The following TSC22D2 variants were observed in gnomAD, a reference collection of about 807,000 sequenced individuals.
TSC22D2 encodes the protein TSC22 domain family protein 2.
In TSC22D2, 5 loss-of-function variants were observed where a neutral mutation model predicts 50.1. The ratio of observed to expected loss-of-function variants is 0.10; its 90% confidence interval spans 0.05 to 0.21. The LOEUF (loss-of-function observed/expected upper bound fraction) is 0.21, where lower values mean the gene tolerates loss of function less well. Among genes scored for constraint, TSC22D2 ranks in the 10% least tolerant of loss-of-function variants. The probability of loss-of-function intolerance (pLI) is 1.00; values close to 1 mark genes in which losing one functional copy is unlikely to be tolerated. For missense variants in TSC22D2, 1,003 were observed against 1,015.5 expected, an observed-to-expected ratio of 0.99 and a Z score of 0.17; for synonymous variants, 501 against 450.1, an observed-to-expected ratio of 1.11 and a Z score of -1.43.
intron 1 of TSC22D2, chr3:150,423,079 C>G (rs1355842099): frequency 1.9e-6 from 3 of 1,613,104 alleles, no homozygotes; most frequent in East Asian, 2.2e-5. Context: ...ACCAAGCGTT[C>G]CATTTGAACA....
chr3:150,436,499 CTG>C (rs1347165369), intron 1 of TSC22D2, among the ~76,000 whole-genome samples: 3 of 152,022 alleles, frequency 2.0e-5, no homozygotes, highest in African/African-American at 7.2e-5. Context: ...CTAAATATGA[CTG>C]TATATTTGTC....
rs1361891804 is a variant in TSC22D2, at chr3:150,459,377, A to ATAAT, written c.*743_*746dup. 6.6e-6 allele frequency: 1 copy of ATAAT among 152,602 alleles called. No homozygotes were observed. The highest frequency in any genetic ancestry group is 1.5e-5 in the Non-Finnish European group (1 of 68,026). 9.5% of individuals were successfully genotyped at this position (152,602 alleles called of 1,614,324 possible). A position where few individuals can be genotyped will look rare whatever the true frequency, so the allele number is the denominator to read the frequency against. Reference sequence around the variant, plus strand: ...GTCACCAGTTATTGTGATATGATAAATAATTGGGCTATTTTGATGAAGAAA... The same window carrying ATAAT: ...GTCACCAGTTATTGTGATATGATAAATAATTAATTGGGCTATTTTGATGAAGAAA... On this transcript the variant is annotated 3_prime_UTR_variant, in exon 3 of 3. Coordinates refer to ENST00000688009, the MANE Select transcript of TSC22D2 (RefSeq NM_001303264.2).
At chr3:150,456,512 A>G (rs1432364236) in intron 1 of TSC22D2, among the ~76,000 whole-genome samples, 1 of 151,924 alleles carries the variant, frequency 6.6e-6, no homozygotes, top group Non-Finnish European at 1.5e-5. Flanking sequence ...TTGTTAACCA[A>G]TCCTACCCAA....
intron 2 of TSC22D2, 116 bp from the exon 3 acceptor site, chr3:150,458,260 A>G (rs1721257604): frequency 8.9e-7 from 1 of 1,121,546 alleles, no homozygotes. Flanking sequence ...AAGCAGAAAC[A>G]TTAAAAGCAA....
Position 150,460,179 on chromosome 3 carries a change from C to T in TSC22D2, c.*1543C>T, listed in dbSNP as rs1036512138. On this transcript the variant is annotated 3_prime_UTR_variant, in exon 3 of 3. Transcript: ENST00000688009. ...ATTTGTATTTTCACAGTTCAAAATACTCCTTAAAGACCTGTTAATAATGAC... is the reference window on the plus strand; with the variant it reads ...ATTTGTATTTTCACAGTTCAAAATATTCCTTAAAGACCTGTTAATAATGAC... 1.3e-5 allele frequency: 2 copies of T among 152,138 alleles called. No homozygotes were observed. Among genetic ancestry groups the T allele is most frequent in the African/African-American group, 4.8e-5 (2 of 41,422 alleles). 9.4% of individuals were successfully genotyped at this position (152,138 alleles called of 1,614,324 possible).
At position 150,411,054 on chromosome 3, in the gene TSC22D2, A is replaced by G. The variant is rs1310678313; in HGVS notation, c.1704A>G (p.Ala568=). 1 of 1,614,092 alleles carries G rather than the reference A, an allele frequency of 6.2e-7. No homozygotes were observed. Among genetic ancestry groups the G allele is most frequent in the Non-Finnish European group, 8.5e-7 (1 of 1,180,046 alleles). ...GLPLAPGTHS[A]PTSLPQSDLS... is the part of the protein sequence containing the mutation. ...CCTTAGCGCCAGGCACACACAGCGCACCAACAAGTCTACCACAGTCTGACC... is the reference window on the plus strand; with the variant it reads ...CCTTAGCGCCAGGCACACACAGCGCGCCAACAAGTCTACCACAGTCTGACC... Residue 568 remains alanine (A), a synonymous_variant, in exon 1 of 3, where the codon GCA becomes GCG. Transcript: ENST00000688009.
At chr3:150,451,884 A>T (rs1576557699) in intron 1 of TSC22D2, among the ~76,000 whole-genome samples, 1 of 151,844 alleles carries the variant, frequency 6.6e-6, no homozygotes, top group East Asian at 1.9e-4. Flanking sequence ...TAGTTCTCTT[A>T]TTTTTTTTAG....
intron 1 of TSC22D2, among the ~76,000 whole-genome samples, chr3:150,440,247 A>G (rs1720674200): frequency 6.6e-6 from 1 of 152,162 alleles, no homozygotes; most frequent in African/African-American, 2.4e-5. Flanking sequence ...AGAATTTTAC[A>G]TTGTATGAAG....
At chr3:150,439,558 G>A (rs1720649917) in intron 1 of TSC22D2, among the ~76,000 whole-genome samples, 2 of 152,012 alleles carry the variant, frequency 1.3e-5, no homozygotes, top group South Asian at 4.2e-4. Flanking sequence ...TCTAGTATAG[G>A]ATATCCATAT....
In TSC22D2 at chr3:150,409,907, A is replaced by G. The variant is rs1475947968; in HGVS notation, c.557A>G (p.Tyr186Cys). 10 of 1,613,612 alleles carry G rather than the reference A, an allele frequency of 6.2e-6. No individual in the cohort carries two copies. The highest frequency in any genetic ancestry group is 1.3e-5 in the African/African-American group (1 of 74,938). The part of the protein sequence containing the change: ...RRGRWTCMEY[Y>C]ERDSDSSVLT... ...GGCCGATGGACGTGTATGGAATACT[A>G]TGAGAGGGATTCAGACAGCAGCGTC... The change falls in exon 1 of 3, where the codon TAT (tyrosine) becomes TGT (cysteine). Residue 186 changes from tyrosine to cysteine, a missense_variant. Tyr to Cys is a radical substitution (Grantham distance 194, BLOSUM62 -2). Transcript: ENST00000688009. This position sits in a 1 kb window ranked among gnomAD's most constrained non-coding sequence, Gnocchi z 7.4.
At chr3:150,456,160 C>G in intron 1 of TSC22D2, among the ~76,000 whole-genome samples, 1 of 150,480 alleles carries the variant, frequency 6.6e-6, no homozygotes, top group African/African-American at 2.4e-5. Flanking sequence ...TGTAGGTCTG[C>G]CAGAATGTTG....
chr3:150,422,614 A>G (rs1720050776), intron 1 of TSC22D2, among the ~76,000 whole-genome samples: 1 of 152,234 alleles, frequency 6.6e-6, no homozygotes, highest in Non-Finnish European at 1.5e-5. Context: ...ACAGAGCCTA[A>G]GAAAAGTTTT....
In TSC22D2 at chr3:150,460,373, C is replaced by T. The variant is rs1721359018; in HGVS notation, c.*1737C>T. The T allele has an allele frequency of 6.6e-6, 1 of 152,194 alleles. No individual in the cohort carries two copies. The highest frequency in any genetic ancestry group is 2.1e-4 in the South Asian group (1 of 4,832). 9.4% of individuals were successfully genotyped at this position (152,194 alleles called of 1,614,324 possible). ...AAAGGTGCCTGTAGAAATTAACATGCACTGCATCTGTAGCCAGCTAGCTAA... is the reference window on the plus strand; with the variant it reads ...AAAGGTGCCTGTAGAAATTAACATGTACTGCATCTGTAGCCAGCTAGCTAA... On this transcript the variant is annotated 3_prime_UTR_variant, in exon 3 of 3. Transcript: ENST00000688009.
chr3:150,411,956 A>C (rs66816665), intron 1 of TSC22D2, among the ~76,000 whole-genome samples: 19,703 of 152,236 alleles, frequency 0.13, 1,637 homozygotes, highest in Non-Finnish European at 0.2. Context: ...AGATATTCTT[A>C]CTTTCCATCA....
rs1046513709 is a variant in TSC22D2, at chr3:150,459,340, A to G, written c.*704A>G. 11 of 152,600 alleles carry G rather than the reference A, an allele frequency of 7.2e-5. No individual in the cohort carries two copies. The highest frequency in any genetic ancestry group is 2.2e-4 in the African/African-American group (9 of 41,452). The allele number at this position is 152,600 out of a possible 1,614,324, so 9.5% of individuals were successfully genotyped here. On this transcript the variant is annotated 3_prime_UTR_variant, in exon 3 of 3. Coordinates refer to ENST00000688009, the MANE Select transcript of TSC22D2 (RefSeq NM_001303264.2). ...GTGTAAGTATGAAGAACATAGTGCAACTGTACAGGTAGTCACCAGTTATTG... is the reference window on the plus strand; with the variant it reads ...GTGTAAGTATGAAGAACATAGTGCAGCTGTACAGGTAGTCACCAGTTATTG...
At chr3:150,425,561 A>G (rs553670328) in intron 1 of TSC22D2, among the ~76,000 whole-genome samples, 68 of 152,328 alleles carry the variant, frequency 4.5e-4, no homozygotes, top group African/African-American at 1.5e-3. Flanking sequence ...GCAAGTCCCT[A>G]ACGTTATCTT....
intron 1 of TSC22D2, among the ~76,000 whole-genome samples, chr3:150,432,598 T>A (rs1016030055): frequency 6.9e-4 from 104 of 151,414 alleles, no homozygotes; most frequent in African/African-American, 1.2e-3. Context: ...AAAAAAAAAA[T>A]AATAAATAAC....
chr3:150,443,779 T>C (rs750253462), intron 1 of TSC22D2, among the ~76,000 whole-genome samples: 10 of 152,236 alleles, frequency 6.6e-5, no homozygotes, highest in South Asian at 2.1e-4. Flanking sequence ...TAGATACTTA[T>C]GAGGCATGAT....
chr3:150,420,131 C>T (rs1719956496), intron 1 of TSC22D2, among the ~76,000 whole-genome samples: 1 of 152,122 alleles, frequency 6.6e-6, no homozygotes, highest in Admixed American at 6.5e-5. Flanking sequence ...TCTTAATCTC[C>T]TCAATTTTAT....
Sources: allele counts gnomAD v4.1 joint callset (sites outside exome capture counted in the v4.1 genomes callset), GRCh38; gene constraint gnomAD v4.1.1; non-coding constraint Gnocchi (gnomAD v3.1); transcripts MANE v1.5; gene names NCBI Gene and HGNC (gene_info 2026-07-23, HGNC 2026-07-21).